The following HERC6 variants were observed in gnomAD, a reference collection of about 807,000 sequenced individuals.
HERC6 encodes the protein HECT and RLD domain containing E3 ubiquitin protein ligase family member 6.
A neutral mutation model predicts 114.5 loss-of-function variants in HERC6; 101 were observed. The observed-to-expected ratio is 0.88, with a 90% CI of 0.75 to 1.04. The LOEUF (loss-of-function observed/expected upper bound fraction) is 1.04. Among genes scored for constraint, HERC6 ranks in the 50% least tolerant of loss-of-function variants. The pLI is 0.00. For missense variants in HERC6, 1,133 were observed against 1,230.9 expected (o/e 0.92, Z 1.19); for synonymous variants, 408 against 436.2 (o/e 0.94, Z 0.81).
In HERC6 at chr4:88,417,416, C is replaced by T; in HGVS notation, c.1559-9C>T. 1.2e-6 allele frequency: 2 copies of T among 1,605,322 alleles called. No individual in the cohort carries two copies. The highest frequency in any genetic ancestry group is 1.7e-6 in the Non-Finnish European group (2 of 1,175,564). ...AACATATTTATCATGGCTAATTTTA[C>T]ACCCCCAGAGAAGTGTTGGGCATTT... On this transcript the variant is annotated splice_polypyrimidine_tract_variant and intron_variant, in intron 12 of 22. Transcript: ENST00000264346.
intron 15 of HERC6, among the ~76,000 whole-genome samples, chr4:88,426,326 G>T (rs1490301214): frequency 6.6e-6 from 1 of 151,696 alleles, no homozygotes; most frequent in African/African-American, 2.4e-5. Context: ...GCGCCACCAT[G>T]CCTGGCTAAT....
intron 13 of HERC6, among the ~76,000 whole-genome samples, chr4:88,419,258 C>T (rs1038323208): frequency 6.6e-6 from 1 of 152,178 alleles, no homozygotes; most frequent in Admixed American, 6.6e-5. Flanking sequence ...GCTGTGTCAA[C>T]ATTAGGGTCA....
intron 4 of HERC6, among the ~76,000 whole-genome samples, chr4:88,391,421 C>T (rs112072153): frequency 3.3e-5 from 5 of 152,332 alleles, no homozygotes; most frequent in African/African-American, 1.2e-4. Context: ...AACTTTAGTT[C>T]CATCGGTTTC....
Position 88,423,898 on chromosome 4 carries a change from C to T in HERC6, c.1752C>T (p.Phe584=). Residue 584 remains phenylalanine (F), a synonymous_variant, in exon 14 of 23, where the codon TTC becomes TTT. Transcript: ENST00000264346. ...ACTGTCGACTACCAGAAAATACTTT[C>T]AACATAAATGAACTCTCCAACTTAT... The part of the protein sequence containing the change: ...KANCRLPENT[F]NINELSNLLN... 6.4e-7 allele frequency: 1 copy of T among 1,570,448 alleles called. No homozygotes were observed. The highest frequency in any genetic ancestry group is 2.3e-5 in the East Asian group (1 of 43,482).
intron 2 of HERC6, among the ~76,000 whole-genome samples, chr4:88,385,024 G>GA (rs58142519): frequency 2.0e-4 from 30 of 146,860 alleles, no homozygotes; most frequent in African/African-American, 2.5e-4. Context: ...CTCCGTCTGT[G>GA]AAAAAAAAAA....
chr4:88,440,068 C>T lies in HERC6; in HGVS notation c.2739+11C>T, dbSNP rs1473835670. ...AAACAGTTTGAACAGGTAGGTGATA[C>T]CTAAAGTGCCCCAATTTTTCCGAAC... On this transcript the variant is annotated intron_variant, in intron 21 of 22. Coordinates refer to ENST00000264346, the MANE Select transcript of HERC6 (RefSeq NM_017912.4). 1.9e-6 allele frequency: 3 copies of T among 1,607,240 alleles called. No individual in the cohort carries two copies. The highest frequency in any genetic ancestry group is 2.7e-5 in the African/African-American group (2 of 74,470).
Position 88,385,479 on chromosome 4 carries a change from T to C in HERC6, c.360-20T>C, listed in dbSNP as rs1734523998. On this transcript the variant is annotated intron_variant, in intron 2 of 22. Transcript: ENST00000264346. Reference sequence around the variant, plus strand: ...CGCTCTAAATAAGGATTAATCAATTTTGTATTATTTGTATTATAGGAAAAT... The same window carrying C: ...CGCTCTAAATAAGGATTAATCAATTCTGTATTATTTGTATTATAGGAAAAT... The C allele has an allele frequency of 1.7e-6, 2 of 1,178,292 alleles. No individual in the cohort carries two copies. Among genetic ancestry groups the C allele is most frequent in the East Asian group, 2.6e-5 (1 of 38,112 alleles). 73.0% of individuals were successfully genotyped at this position (1,178,292 alleles called of 1,614,324 possible). A position where few individuals can be genotyped will look rare whatever the true frequency, so the allele number is the denominator to read the frequency against.
At chr4:88,387,346 A>G (rs1734636124) in intron 3 of HERC6, among the ~76,000 whole-genome samples, 1 of 152,198 alleles carries the variant, frequency 6.6e-6, no homozygotes, top group Non-Finnish European at 1.5e-5. Context: ...GCAGTGAGCT[A>G]TGATTGTGCC....
intron 1 of HERC6, among the ~76,000 whole-genome samples, chr4:88,380,457 G>A (rs1030149807): frequency 7.7e-6 from 1 of 129,678 alleles, no homozygotes; most frequent in South Asian, 2.2e-4. Context: ...GGTGGCTTAC[G>A]CCTGTGATCC....
At position 88,379,056 on chromosome 4, in the gene HERC6, C is replaced by G. The variant is rs1734011345; in HGVS notation, c.135C>G (p.Leu45=). Residue 45 remains leucine, a synonymous_variant, in exon 1 of 23, where the codon CTC becomes CTG. Coordinates refer to ENST00000264346, the MANE Select transcript of HERC6 (RefSeq NM_017912.4). The part of the protein sequence containing the change: ...SLLLLTNHRV[L]SCGDNSRGQL... ...TGCTGCTGACCAACCACAGGGTCCTCTCGTGCGGAGACAACAGCAGGGGTC... is the reference window on the plus strand; with the variant it reads ...TGCTGCTGACCAACCACAGGGTCCTGTCGTGCGGAGACAACAGCAGGGGTC... The G allele has an allele frequency of 1.3e-6, 2 of 1,557,222 alleles. No homozygotes were observed. Among genetic ancestry groups the G allele is most frequent in the Admixed American group, 1.9e-5 (1 of 51,906 alleles).
intron 10 of HERC6, among the ~76,000 whole-genome samples, chr4:88,407,371 A>G (rs1472454241): frequency 6.6e-6 from 1 of 152,056 alleles, no homozygotes; most frequent in African/African-American, 2.4e-5. Context: ...GTGAGCCACT[A>G]TGCTCGGCAT....
intron 16 of HERC6, among the ~76,000 whole-genome samples, chr4:88,430,829 G>A (rs1738123269): frequency 6.6e-6 from 1 of 152,074 alleles, no homozygotes; most frequent in Admixed American, 6.6e-5. Context: ...GAATAATCAG[G>A]GAATTTAGGG....
chr4:88,385,478 T>A (rs758924880), intron 2 of HERC6, 21 bp from the exon 3 acceptor site: 16 of 1,174,150 alleles, frequency 1.4e-5, no homozygotes, highest in African/African-American at 3.2e-5. Flanking sequence ...ATTAATCAAT[T>A]TTGTATTATT....
At chr4:88,439,129 G>C (rs952114286) in intron 20 of HERC6, among the ~76,000 whole-genome samples, 4 of 150,920 alleles carry the variant, frequency 2.7e-5, no homozygotes, top group African/African-American at 9.9e-5. Context: ...ATGGATGGTA[G>C]AAGTTATCAG....
chr4:88,397,066 G>A, intron 7 of HERC6, 79 bp downstream of exon 7: 1 of 1,336,888 alleles, frequency 7.5e-7, no homozygotes, highest in Non-Finnish European at 1.0e-6. Context: ...CCTTTCAAAG[G>A]ATCCTACAGA....
chr4:88,420,992 C>T lies in HERC6; in HGVS notation c.1714-2868C>T, dbSNP rs116851623. Among the ~76,000 whole-genome samples, 498 of 152,238 alleles carry T rather than the reference C, an allele frequency of 3.3e-3. 7 individuals are homozygous for T. In the East Asian group the frequency reaches 0.041, roughly 13 times the overall value. ...GCAATCACTAATCTACTTTCTGTCTCTACAGATTTGCCTATTCTGGACATT... is the reference window on the plus strand; with the variant it reads ...GCAATCACTAATCTACTTTCTGTCTTTACAGATTTGCCTATTCTGGACATT... On this transcript the variant is annotated intron_variant, in intron 13 of 22. Coordinates refer to ENST00000264346, the MANE Select transcript of HERC6 (RefSeq NM_017912.4).
chr4:88,439,194 A>G (rs1425089116), intron 20 of HERC6, among the ~76,000 whole-genome samples: 1 of 152,138 alleles, frequency 6.6e-6, no homozygotes, highest in Non-Finnish European at 1.5e-5. Context: ...GACAAGACCT[A>G]TGAACGGGGC....
In HERC6 at chr4:88,396,088, G is replaced by T. The variant is rs776683139; in HGVS notation, c.833G>T (p.Gly278Val). ...LGYSPTPEKR[G>V]PQLVERIDGL... ...TACAGCCCCACTCCTGAGAAGAGAG[G>T]TCCACAACTTGTGGAAAGAATTGAT... The change falls in exon 6 of 23, where the codon GGT (glycine) becomes GTT (valine). Residue 278 changes from glycine (G) to valine (V), a missense_variant. Physicochemically the swap from Gly to Val is moderately radical, Grantham distance 109. Around this residue, in one of 3 missense-constraint regions of HERC6, gnomAD observed 735 missense variants for 754.0 expected, o/e 0.97. Coordinates refer to ENST00000264346, the MANE Select transcript of HERC6 (RefSeq NM_017912.4). 2.5e-6 allele frequency: 4 copies of T among 1,607,262 alleles called. No homozygotes were observed. The Admixed American group carries it at 6.8e-5, about 27-fold the overall frequency.
At chr4:88,428,101 A>G (rs974755230) in intron 15 of HERC6, among the ~76,000 whole-genome samples, 1 of 152,244 alleles carries the variant, frequency 6.6e-6, no homozygotes, top group African/African-American at 2.4e-5. Context: ...GTTATTGGAA[A>G]GAGAAGAGTG....
Sources: gnomAD v4.1 joint callset for allele counts (sites outside exome capture counted in the v4.1 genomes callset) on GRCh38, gnomAD v4.1.1 for gene constraint, gnomAD v4.1.1 regional missense constraint, MANE v1.5 for transcripts, NCBI Gene and HGNC (gene_info 2026-07-23, HGNC 2026-07-21) for gene names.